Variants in COPZ2 observed in about 807,000 individuals in gnomAD.
COPZ2 encodes coat protein complex I subunit zeta 2.
Under a neutral mutation model 33.2 loss-of-function variants are expected in COPZ2, and 30 were observed. That is an observed-to-expected ratio of 0.90 (90% confidence interval 0.68 to 1.23). COPZ2 has a LOEUF of 1.23. COPZ2 is among the 50% of genes most tolerant of loss of function. The probability of loss-of-function intolerance (pLI) is 0.00; values close to 1 mark genes in which losing one functional copy is unlikely to be tolerated. For missense variants in COPZ2, 263 were observed against 262.4 expected (o/e 1.00, Z -0.02); for synonymous variants, 89 against 102.6 (o/e 0.87, Z 0.80).
At chr17:48,035,816 T>G (rs904551766) in intron 2 of COPZ2, among the ~76,000 whole-genome samples, 4 of 149,358 alleles carry the variant, frequency 2.7e-5, no homozygotes, top group Admixed American at 6.7e-5. Flanking sequence ...TGCAATGGTG[T>G]GATCTCGGCT....
chr17:48,029,158 G>T lies in COPZ2; in HGVS notation c.513C>A (p.Asp171Glu), dbSNP rs547408770. ...IVDGGVILES[D>E]PQQVIQKVNF... The stretch of plus-strand genomic sequence containing the variant: ...TCACCTTCTGGATCACTTGCTGGGG[G>T]TCACTCTCCAGAATCACACTACAAG... The change falls in exon 7 of 9, where the codon GAC (aspartate) becomes GAA (glutamate). Residue 171 changes from aspartate (D) to glutamate (E), a missense_variant. Physicochemically the swap from Asp to Glu is conservative, Grantham distance 45 (BLOSUM62 2). Transcript: ENST00000621465. 5 of 1,578,422 alleles carry T rather than the reference G, an allele frequency of 3.2e-6. No individual in the cohort carries two copies. The highest frequency in any genetic ancestry group is 1.8e-5 in the Admixed American group (1 of 54,618).
chr17:48,041,110 C>A (rs1301657429), upstream of COPZ2, among the ~76,000 whole-genome samples: 3 of 143,620 alleles, frequency 2.1e-5, no homozygotes, highest in African/African-American at 7.8e-5. Context: ...CAAGATCACA[C>A]CACTGCAGCC....
Position 48,036,835 on chromosome 17 carries a change from T to C in COPZ2, c.186+16A>G, listed in dbSNP as rs896189100. On this transcript the variant is annotated intron_variant, in intron 2 of 8. Coordinates refer to ENST00000621465, the MANE Select transcript of COPZ2 (RefSeq NM_016429.4). ...GAGTGGGAACTGTGTCCCTCATGGG[T>C]GGGGTCAGAGGTTACCTTGGCCAGC... 5 of 1,611,558 alleles carry C rather than the reference T, an allele frequency of 3.1e-6. No homozygotes were observed. Among genetic ancestry groups the C allele is most frequent in the Middle Eastern group, 1.6e-4 (1 of 6,082 alleles).
rs1256799274 is a variant in COPZ2 at position 48,026,397 on chromosome 17, T to TG, written c.*30dup. ...TTTTGCCAGGATTGGGGAAATGATC[T>TG]GGGGGGCAGGGAGCCTTGAATCCAC... On this transcript the variant is annotated 3_prime_UTR_variant, in exon 9 of 9. Transcript: ENST00000621465. 2 of 1,584,842 alleles carry TG rather than the reference T, an allele frequency of 1.3e-6. No homozygotes were observed. The highest frequency in any genetic ancestry group is 1.7e-6 in the Non-Finnish European group (2 of 1,153,676).
Position 48,029,264 on chromosome 17 carries a change from C to T in COPZ2, c.495-88G>A, listed in dbSNP as rs185578985. The T allele has an allele frequency of 5.7e-4, 700 of 1,219,414 alleles. 4 individuals carry two copies. The East Asian group carries it at 0.013, about 23-fold the overall frequency. 75.5% of individuals were successfully genotyped at this position (1,219,414 alleles called of 1,614,324 possible). On this transcript the variant is annotated intron_variant, in intron 6 of 8. Coordinates refer to ENST00000621465, the MANE Select transcript of COPZ2 (RefSeq NM_016429.4). ...CTCCTTGCCAAGCCTCTTCCCTCTC[C>T]GAAGGCATCCTGCAACATCTCCACC...
At chr17:48,038,382 G>C (rs557444099), upstream of COPZ2, among the ~76,000 whole-genome samples, 5 of 152,292 alleles carry the variant, frequency 3.3e-5, no homozygotes, top group East Asian at 9.6e-4. Context: ...CAGACGCCCA[G>C]CAGCACAAAT....
At chr17:48,029,597 C>T (rs1336152873) in intron 6 of COPZ2, among the ~76,000 whole-genome samples, 1 of 151,458 alleles carries the variant, frequency 6.6e-6, no homozygotes, top group Non-Finnish European at 1.5e-5. Context: ...TATTTTATGG[C>T]ATGGGGTCAT....
At chr17:48,031,585 A>C (rs8078698) in intron 6 of COPZ2, 12,966 of 152,304 alleles carry the variant, frequency 0.085, 1,180 homozygotes, top group African/African-American at 0.24. Flanking sequence ...TAGCTTCCTA[A>C]GAATATACTA....
At chr17:48,036,712 G>A in intron 2 of COPZ2, 139 bp downstream of exon 2, 1 of 695,854 alleles carries the variant, frequency 1.4e-6, no homozygotes, top group South Asian at 1.8e-5. Context: ...ACCTTGACAA[G>A]GCAGGAGGAT....
intron 3 of COPZ2, 52 bp downstream of exon 3, chr17:48,033,808 GAGA>G: frequency 7.5e-7 from 1 of 1,333,424 alleles, no homozygotes. Flanking sequence ...TGTCCAGATG[GAGA>G]AGATGACAGT....
At position 48,037,118 on chromosome 17, in the gene COPZ2, C is replaced by T. The variant is rs527297874; in HGVS notation, c.112-193G>A. ...CCACTCCACTCCCAGGCAGATGTTC[C>T]ACTGCAGGCCCCGAGTGGGCGCTGT... On this transcript the variant is annotated intron_variant, in intron 1 of 8. Transcript: ENST00000621465. This position sits in a 1 kb window ranked among gnomAD's most constrained non-coding sequence, Gnocchi z 5.6. The T allele has an allele frequency of 7.6e-5, 59 of 771,278 alleles. 2 individuals carry two copies. Among genetic ancestry groups the T allele is most frequent in the South Asian group, 7.4e-4 (54 of 72,826 alleles). The allele number at this position is 771,278 out of a possible 1,614,324, so 47.8% of individuals were successfully genotyped here.
upstream of COPZ2, among the ~76,000 whole-genome samples, chr17:48,041,287 C>T (rs975446463): frequency 7.2e-5 from 11 of 151,902 alleles, no homozygotes; most frequent in African/African-American, 2.7e-4. Context: ...ATGGAACTTA[C>T]AATCAAGTGT....
rs1253339684 is a variant in COPZ2, at chr17:48,026,289, C to T, written c.*139G>A. The T allele has an allele frequency of 1.5e-6, 1 of 658,132 alleles. No homozygotes were observed. The highest frequency in any genetic ancestry group is 2.6e-6 in the Non-Finnish European group (1 of 378,524). The allele number at this position is 658,132 out of a possible 1,614,324, so 40.8% of individuals were successfully genotyped here. A position where few individuals can be genotyped will look rare whatever the true frequency, so the allele number is the denominator to read the frequency against. ...AGGCCAAACCTTTGCATCTCAGAAG[C>T]CCTGGCTGGAGACCTTAGGAGTCAG... On this transcript the variant is annotated 3_prime_UTR_variant, in exon 9 of 9. Transcript: ENST00000621465.
At chr17:48,041,100 C>A (rs2037056944), upstream of COPZ2, among the ~76,000 whole-genome samples, 1 of 140,746 alleles carries the variant, frequency 7.1e-6, no homozygotes. Flanking sequence ...TGTAGTGAGC[C>A]AAGATCACAC....
Position 48,028,534 on chromosome 17 carries a change from G to A in COPZ2, c.547-24C>T, listed in dbSNP as rs1206772215. On this transcript the variant is annotated intron_variant, in intron 7 of 8. Coordinates refer to ENST00000621465, the MANE Select transcript of COPZ2 (RefSeq NM_016429.4). The surrounding 1 kb of genome is among the most constrained non-coding windows in gnomAD (Gnocchi z 4.5). The stretch of plus-strand genomic sequence containing the variant: ...GCCTGTAAGGAAGCAGAGTCAAGGG[G>A]TGGGGTAGGGCCAGCATGAGGGTCC... 3 of 1,602,998 alleles carry A rather than the reference G, an allele frequency of 1.9e-6. No homozygotes were observed. Among genetic ancestry groups the A allele is most frequent in the African/African-American group, 1.3e-5 (1 of 74,742 alleles).
chr17:48,040,912 G>A (rs2037055316), upstream of COPZ2, among the ~76,000 whole-genome samples: 1 of 151,668 alleles, frequency 6.6e-6, no homozygotes, highest in Non-Finnish European at 1.5e-5. Context: ...CACTTTGAGA[G>A]GCCAAGGCGG....
chr17:48,029,892 C>T (rs971954140), intron 6 of COPZ2, among the ~76,000 whole-genome samples: 15 of 151,958 alleles, frequency 9.9e-5, no homozygotes, highest in Non-Finnish European at 8.8e-5. Flanking sequence ...CGCTTCAACC[C>T]GGGAGGCAGA....
intron 2 of COPZ2, among the ~76,000 whole-genome samples, chr17:48,034,688 G>A (rs557581994): frequency 4.6e-5 from 7 of 152,176 alleles, no homozygotes; most frequent in African/African-American, 1.7e-4. Context: ...GAGGCATCAA[G>A]AAGTCAGGTA....
upstream of COPZ2, chr17:48,037,844 G>GCCCGCCCCCGCGC (rs142880760): frequency 1.0e-6 from 1 of 977,452 alleles, no homozygotes; most frequent in African/African-American, 1.8e-5. This position sits in a 1 kb window ranked among gnomAD's most constrained non-coding sequence, Gnocchi z 5.6. Context: ...CCGCCTCCGC[G>GCCCGCCCCCGCGC]CCGCCCCGCG....
Sources: gnomAD v4.1 joint callset for allele counts (sites outside exome capture counted in the v4.1 genomes callset) on GRCh38, gnomAD v4.1.1 for gene constraint, Gnocchi (gnomAD v3.1) non-coding constraint, MANE v1.5 for transcripts, NCBI Gene and HGNC (gene_info 2026-07-23, HGNC 2026-07-21) for gene names.